Variants in PDE10A observed in about 807,000 individuals in gnomAD.
PDE10A encodes the protein phosphodiesterase 10A, also known as cAMP and cAMP-inhibited cGMP 3',5'-cyclic phosphodiesterase 10A.
A neutral mutation model predicts 97.7 loss-of-function variants in PDE10A; 39 were observed. That is an observed-to-expected ratio of 0.40 (90% CI 0.31 to 0.52). PDE10A has a LOEUF of 0.52. Ranked by LOEUF, PDE10A falls within the 20% of genes least tolerant of loss-of-function variation. The probability of loss-of-function intolerance (pLI) is 0.56; values close to 1 mark genes in which losing one functional copy is unlikely to be tolerated. For synonymous variants in PDE10A, 371 were observed against 376.8 expected (o/e 0.98, Z 0.18); for missense variants, 731 against 1,047.8 (o/e 0.70, Z 4.17).
In PDE10A at chr6:165,835,654, G is replaced by C. The variant is rs541357172; in HGVS notation, c.-615+151875C>G. Among the ~76,000 whole-genome samples, 6 of 152,268 alleles carry C rather than the reference G, an allele frequency of 3.9e-5. No homozygotes were observed. In the South Asian group the frequency reaches 1.2e-3, roughly 32 times the overall value. ...CAGTTTCCTTACACCCTGTTTCCGG[G>C]GTTGGTGTGAGAGGACCCTGCAGGG... On this transcript the variant is annotated intron_variant, in intron 1 of 19. Coordinates refer to the PDE10A transcript ENST00000366882.
At chr6:165,472,234 T>C (rs1165644721) in intron 3 of PDE10A, among the ~76,000 whole-genome samples, 1 of 152,112 alleles carries the variant, frequency 6.6e-6, no homozygotes, top group African/African-American at 2.4e-5. Context: ...TTCCTCAACA[T>C]TGGCCATTTC....
intron 1 of PDE10A, among the ~76,000 whole-genome samples, chr6:165,714,246 C>A (rs549097961): frequency 6.6e-6 from 1 of 152,216 alleles, no homozygotes; most frequent in Admixed American, 6.5e-5. Context: ...TTCCTACTGA[C>A]GCCCACCCTT....
chr6:165,590,759 C>T (rs1358896361), intron 1 of PDE10A, among the ~76,000 whole-genome samples: 1 of 152,012 alleles, frequency 6.6e-6, no homozygotes, highest in Non-Finnish European at 1.5e-5. Flanking sequence ...GGCATGGTGG[C>T]GGGCGCCTGT....
chr6:165,915,470 G>A (rs1391231531), intron 1 of PDE10A, among the ~76,000 whole-genome samples: 1 of 152,228 alleles, frequency 6.6e-6, no homozygotes, highest in African/African-American at 2.4e-5. Flanking sequence ...TACACCTGCT[G>A]TCACATGCCA....
intron 1 of PDE10A, among the ~76,000 whole-genome samples, chr6:165,795,887 A>G (rs1241423587): frequency 3.3e-5 from 5 of 152,118 alleles, no homozygotes; most frequent in Non-Finnish European, 5.9e-5. Flanking sequence ...ATACCACCTT[A>G]CAGTCCTCTC....
intron 1 of PDE10A, among the ~76,000 whole-genome samples, chr6:165,978,680 G>A (rs1271781379): frequency 2.0e-5 from 3 of 152,130 alleles, no homozygotes; most frequent in African/African-American, 4.8e-5. Context: ...CTCAACATAT[G>A]TGTGATTCCC....
At chr6:165,466,713 T>G (rs1162617312) in intron 3 of PDE10A, among the ~76,000 whole-genome samples, 1 of 152,134 alleles carries the variant, frequency 6.6e-6, no homozygotes, top group Non-Finnish European at 1.5e-5. Flanking sequence ...TCTCCCCTCC[T>G]CTCCTTGAAC....
At chr6:165,903,197 T>G (rs1782162501) in intron 1 of PDE10A, among the ~76,000 whole-genome samples, 1 of 152,220 alleles carries the variant, frequency 6.6e-6, no homozygotes, top group South Asian at 2.1e-4. Context: ...GTTCGAATTT[T>G]TATTCTTCTG....
intron 3 of PDE10A, among the ~76,000 whole-genome samples, chr6:165,464,832 G>C (rs758975001): frequency 4.6e-4 from 70 of 152,200 alleles, no homozygotes; most frequent in Admixed American, 9.8e-4. Flanking sequence ...ATGTGTTTCA[G>C]TAGTGTGTTC....
intron 1 of PDE10A, among the ~76,000 whole-genome samples, chr6:165,902,813 A>C (rs1399384359): frequency 6.6e-6 from 1 of 152,228 alleles, no homozygotes. Context: ...CACAGTCTGG[A>C]CACAGGTAAC....
intron 1 of PDE10A, among the ~76,000 whole-genome samples, chr6:165,549,547 A>G (rs1257012515): frequency 6.6e-6 from 1 of 152,066 alleles, no homozygotes; most frequent in Non-Finnish European, 1.5e-5. Flanking sequence ...GATGGTCTCG[A>G]TCTCCTGACC....
intron 4 of PDE10A, 86 bp downstream of exon 4, chr6:165,450,156 T>C (rs1000643309): frequency 1.2e-6 from 1 of 830,742 alleles, no homozygotes; most frequent in Non-Finnish European, 1.8e-6. Context: ...ATGACTTTCA[T>C]CTGCCTCTTA....
At chr6:165,480,099 A>G (rs1511749) in intron 3 of PDE10A, among the ~76,000 whole-genome samples, 12,565 of 152,244 alleles carry the variant, frequency 0.083, 651 homozygotes, top group East Asian at 0.25. Flanking sequence ...TAGTTTGTCC[A>G]AAGACTGTCA....
intron 1 of PDE10A, among the ~76,000 whole-genome samples, chr6:165,825,386 C>T (rs965349467): frequency 2.0e-5 from 3 of 152,060 alleles, no homozygotes; most frequent in African/African-American, 7.2e-5. Context: ...TCTGAGGGCC[C>T]CGTTAAGTCA....
intron 3 of PDE10A, among the ~76,000 whole-genome samples, chr6:165,452,117 T>C (rs1240667045): frequency 1.3e-5 from 2 of 152,202 alleles, no homozygotes; most frequent in Non-Finnish European, 2.9e-5. Flanking sequence ...GGGGGAGCCC[T>C]GGCATATGTG....
At chr6:165,635,180 T>C (rs1198698624) in intron 1 of PDE10A, among the ~76,000 whole-genome samples, 2 of 152,184 alleles carry the variant, frequency 1.3e-5, no homozygotes, top group Non-Finnish European at 2.9e-5. Flanking sequence ...AGGCGCAGTA[T>C]TCTCCGTGGA....
intron 19 of PDE10A, among the ~76,000 whole-genome samples, chr6:165,340,896 G>A (rs1178469717): frequency 6.6e-6 from 1 of 152,196 alleles, no homozygotes; most frequent in Admixed American, 6.5e-5. Context: ...ATCAGAAGCA[G>A]GGTACGGATG....
intron 1 of PDE10A, among the ~76,000 whole-genome samples, chr6:165,598,048 G>A (rs1018724657): frequency 1.3e-5 from 2 of 152,182 alleles, no homozygotes; most frequent in African/African-American, 2.4e-5. Flanking sequence ...TCAATGCCAC[G>A]AGTCAAGCCA....
In PDE10A at chr6:165,330,115, A is replaced by G. The variant is rs1562351122; in HGVS notation, c.*2910T>C. The G allele has an allele frequency of 6.6e-6, 1 of 152,234 alleles. No homozygotes were observed. Among genetic ancestry groups the G allele is most frequent in the African/African-American group, 2.4e-5 (1 of 41,472 alleles). The allele number at this position is 152,234 out of a possible 1,614,324, so 9.4% of individuals were successfully genotyped here. On this transcript the variant is annotated 3_prime_UTR_variant, in exon 22 of 22. Transcript: ENST00000539869. The stretch of plus-strand genomic sequence containing the variant: ...TCCAAAAAGATAATGGAATAATTGC[A>G]TATGACCATAAAACTTGTCTATTAT...
Sources: gnomAD v4.1 joint callset for allele counts (sites outside exome capture counted in the v4.1 genomes callset) on GRCh38, gnomAD v4.1.1 for gene constraint, MANE v1.5 for transcripts, NCBI Gene and HGNC (gene_info 2026-07-23, HGNC 2026-07-21) for gene names.